Variants in TRIM44 observed in about 807,000 individuals in gnomAD.
TRIM44 encodes the protein tripartite motif containing 44.
In TRIM44, 13 loss-of-function variants were observed where a neutral mutation model predicts 37.4. The ratio of observed to expected loss-of-function variants is 0.35; its 90% confidence interval spans 0.23 to 0.55. The LOEUF (loss-of-function observed/expected upper bound fraction) is 0.55. TRIM44 is among the 20% of genes least tolerant of loss of function. TRIM44 has a pLI of 0.89. For synonymous variants in TRIM44, 175 were observed against 157.2 expected, an observed-to-expected ratio of 1.11 and a Z score of -0.85; for missense variants, 426 against 437.2, an observed-to-expected ratio of 0.97 and a Z score of 0.23.
At chr11:35,678,577 ACTTCCTCTCCC>A (rs1851489136) in intron 1 of TRIM44, among the ~76,000 whole-genome samples, 1 of 151,712 alleles carries the variant, frequency 6.6e-6, no homozygotes, top group African/African-American at 2.4e-5. Context: ...CCTTAGGAGG[ACTTCCTCTCCC>A]CTCCCTCTCC....
intron 4 of TRIM44, among the ~76,000 whole-genome samples, chr11:35,775,832 G>C (rs1852949508): frequency 6.6e-6 from 1 of 152,168 alleles, no homozygotes; most frequent in African/African-American, 2.4e-5. Context: ...ACTTGATCAT[G>C]GTGGATAAGC....
intron 1 of TRIM44, among the ~76,000 whole-genome samples, chr11:35,667,682 T>G (rs965074496): frequency 5.9e-5 from 9 of 152,180 alleles, no homozygotes; most frequent in Non-Finnish European, 7.3e-5. Context: ...TTTTTATTAG[T>G]TTTTTGGTTA....
chr11:35,710,269 A>G (rs1027729052), intron 2 of TRIM44, among the ~76,000 whole-genome samples: 2 of 152,184 alleles, frequency 1.3e-5, no homozygotes, highest in Non-Finnish European at 2.9e-5. Flanking sequence ...AGAGCTTTGT[A>G]TCCTACCTTT....
At chr11:35,779,816 G>A (rs918357630) in intron 4 of TRIM44, among the ~76,000 whole-genome samples, 9 of 150,146 alleles carry the variant, frequency 6.0e-5, no homozygotes, top group African/African-American at 2.0e-4. Context: ...TTCTGTATAT[G>A]GCTAGTGAGC....
At position 35,694,036 on chromosome 11, in the gene TRIM44, G is replaced by A. The variant is rs147513306; in HGVS notation, c.747+8700G>A. Among the ~76,000 whole-genome samples the A allele has an allele frequency of 3.9e-5, 6 of 152,274 alleles. No homozygotes were observed. In the East Asian group the frequency reaches 1.2e-3, roughly 29 times the overall value. The stretch of plus-strand genomic sequence containing the variant: ...ACCAGTCTACTCACTTAACTAAGCA[G>A]TCTCTTCATTAATCCTCTAAAACTG... On this transcript the variant is annotated intron_variant, in intron 2 of 4. Transcript: ENST00000299413.
intron 4 of TRIM44, among the ~76,000 whole-genome samples, chr11:35,777,215 T>G (rs1432169979): frequency 6.6e-6 from 1 of 152,246 alleles, no homozygotes; most frequent in Non-Finnish European, 1.5e-5. Flanking sequence ...TGTAGTGGCC[T>G]TCTTTGTCTC....
chr11:35,817,394 G>T lies in TRIM44; in HGVS notation c.*11009G>T, dbSNP rs1416327817. 2.0e-5 allele frequency: 3 copies of T among 152,194 alleles called. No individual in the cohort carries two copies. Among genetic ancestry groups the T allele is most frequent in the Non-Finnish European group, 2.9e-5 (2 of 68,024 alleles). 9.4% of individuals were successfully genotyped at this position (152,194 alleles called of 1,614,324 possible). On this transcript the variant is annotated 3_prime_UTR_variant, in exon 5 of 5. Coordinates refer to ENST00000299413, the MANE Select transcript of TRIM44 (RefSeq NM_017583.6). ...TCTCTACATGCGCCTAAAATGACGG[G>T]TAGGGTCAGAGACATTGGAGGATCT...
chr11:35,701,883 AG>A (rs1851792984), intron 2 of TRIM44, among the ~76,000 whole-genome samples: 1 of 152,200 alleles, frequency 6.6e-6, no homozygotes, highest in African/African-American at 2.4e-5. Context: ...CTGACTGGTA[AG>A]TAGTTCTTAC....
At chr11:35,787,855 C>A (rs566708648) in intron 4 of TRIM44, among the ~76,000 whole-genome samples, 1 of 152,218 alleles carries the variant, frequency 6.6e-6, no homozygotes, top group Non-Finnish European at 1.5e-5. Flanking sequence ...GCTAGGACTT[C>A]ATAATGAGGC....
intron 2 of TRIM44, among the ~76,000 whole-genome samples, chr11:35,712,999 T>C (rs1189429214): frequency 6.6e-6 from 1 of 152,230 alleles, no homozygotes; most frequent in Middle Eastern, 3.2e-3. Flanking sequence ...TTTTCTTTGA[T>C]ATTCTTAGAC....
At chr11:35,745,437 T>C (rs1852475514) in intron 4 of TRIM44, among the ~76,000 whole-genome samples, 1 of 152,190 alleles carries the variant, frequency 6.6e-6, no homozygotes. Flanking sequence ...ATGGATAGAT[T>C]GGAAAAATTT....
rs774006730 is a variant in TRIM44 at position 35,816,031 on chromosome 11, G to A, written c.*9646G>A. 6.6e-6 allele frequency: 1 copy of A among 152,116 alleles called. No homozygotes were observed. The highest frequency in any genetic ancestry group is 1.5e-5 in the Non-Finnish European group (1 of 68,042). The allele number at this position is 152,116 out of a possible 1,614,324, so 9.4% of individuals were successfully genotyped here. On this transcript the variant is annotated 3_prime_UTR_variant, in exon 5 of 5. Transcript: ENST00000299413. ...ATGGCAGACTTGCAGAGCAAATAAG[G>A]GACCTGGCCTAGTTCACAAGGCAGT...
chr11:35,703,809 G>C (rs912462864), intron 2 of TRIM44, among the ~76,000 whole-genome samples: 40 of 152,156 alleles, frequency 2.6e-4, no homozygotes, highest in African/African-American at 9.6e-4. Context: ...ACAAAGATGG[G>C]AAAAAAACAG....
chr11:35,744,662 A>G (rs754101791), intron 4 of TRIM44, among the ~76,000 whole-genome samples: 3 of 152,112 alleles, frequency 2.0e-5, no homozygotes, highest in Non-Finnish European at 2.9e-5. Flanking sequence ...AGATCGTCCC[A>G]TCGCTTAGGT....
intron 4 of TRIM44, among the ~76,000 whole-genome samples, chr11:35,787,757 G>A (rs1376198712): frequency 6.6e-6 from 1 of 152,142 alleles, no homozygotes; most frequent in Non-Finnish European, 1.5e-5. Flanking sequence ...GTCAATGTCA[G>A]GGAAATGGAT....
At chr11:35,668,646 C>T (rs922249501) in intron 1 of TRIM44, among the ~76,000 whole-genome samples, 2 of 152,216 alleles carry the variant, frequency 1.3e-5, no homozygotes, top group Admixed American at 1.3e-4. Flanking sequence ...AGTGTCTTAG[C>T]TATTGTGAAT....
chr11:35,671,719 A>T (rs1442756124), intron 1 of TRIM44, among the ~76,000 whole-genome samples: 2 of 152,180 alleles, frequency 1.3e-5, no homozygotes, highest in Admixed American at 1.3e-4. Flanking sequence ...TGCTAGGCCA[A>T]ATGGACTGAG....
chr11:35,724,539 A>G (rs967330156), intron 2 of TRIM44, among the ~76,000 whole-genome samples: 1 of 152,218 alleles, frequency 6.6e-6, no homozygotes, highest in Non-Finnish European at 1.5e-5. Flanking sequence ...CATAATATGC[A>G]TAGTTGTTTT....
intron 1 of TRIM44, among the ~76,000 whole-genome samples, chr11:35,681,897 A>G (rs77276815): frequency 0.014 from 2,093 of 151,412 alleles, 32 homozygotes; most frequent in Non-Finnish European, 0.017. Context: ...ACTCAGACTC[A>G]GATACCACCA....
Sources: gnomAD v4.1 joint callset for allele counts (sites outside exome capture counted in the v4.1 genomes callset) on GRCh38, gnomAD v4.1.1 for gene constraint, MANE v1.5 for transcripts, NCBI Gene and HGNC (gene_info 2026-07-23, HGNC 2026-07-21) for gene names.